The following TBC1D9B variants were observed in gnomAD, a reference collection of about 807,000 sequenced individuals.
TBC1D9B encodes the protein TBC1 domain family, member 9B (with GRAM domain).
In TBC1D9B, 87 loss-of-function variants were observed where a neutral mutation model predicts 121.1. The ratio of observed to expected loss-of-function variants is 0.72; its 90% CI spans 0.60 to 0.86. The LOEUF is 0.86. TBC1D9B is among the 40% of genes least tolerant of loss of function. TBC1D9B has a pLI of 0.00. For synonymous variants in TBC1D9B, 668 were observed against 670.1 expected (o/e 1.00, Z 0.05); for missense variants, 1,540 against 1,628.6 (o/e 0.95, Z 0.94).
At chr5:179,897,817 T>C (rs950055808) in intron 3 of TBC1D9B, among the ~76,000 whole-genome samples, 7 of 152,200 alleles carry the variant, frequency 4.6e-5, no homozygotes, top group East Asian at 1.9e-4. Context: ...TTCCTGGAGA[T>C]AGAGGTAACC....
intron 7 of TBC1D9B, chr5:179,884,570 A>T (rs1760625591): frequency 6.6e-6 from 1 of 152,238 alleles, no homozygotes; most frequent in South Asian, 2.1e-4. Context: ...ACATCTGTAC[A>T]CCCATGTTCA....
Position 179,885,370 on chromosome 5 carries a change from G to A in TBC1D9B, c.1254+2733C>T, listed in dbSNP as rs772936554. Among the ~76,000 whole-genome samples the A allele has an allele frequency of 1.1e-4, 16 of 152,078 alleles. No individual in the cohort carries two copies. The East Asian group carries it at 2.7e-3, about 26-fold the overall frequency. ...TTTGGGAGGCTGAGGCAGGTGGATC[G>A]CCTGAGGTCAGGAGTTCAAGACCAG... On this transcript the variant is annotated intron_variant, in intron 7 of 20. Transcript: ENST00000355235. This position sits in a 1 kb window ranked among gnomAD's most constrained non-coding sequence, Gnocchi z 4.5.
At chr5:179,873,954 C>T (rs750653999) in intron 12 of TBC1D9B, among the ~76,000 whole-genome samples, 13 of 152,206 alleles carry the variant, frequency 8.5e-5, no homozygotes. Context: ...AGTATCTTAA[C>T]ATCAGTGTGG....
At position 179,865,988 on chromosome 5, in the gene TBC1D9B, C is replaced by G; in HGVS notation, c.2864-100G>C. ...GATGTAGTCTGTGTTTCTGTACAGCCAGCCCCAGGCCAGGCCCTGGGGAGC... is the reference window on the plus strand; with the variant it reads ...GATGTAGTCTGTGTTTCTGTACAGCGAGCCCCAGGCCAGGCCCTGGGGAGC... On this transcript the variant is annotated intron_variant, in intron 18 of 20. Transcript: ENST00000355235. The surrounding 1 kb of genome is among the most constrained non-coding windows in gnomAD (Gnocchi z 5.1). 6.8e-7 allele frequency: 1 copy of G among 1,464,390 alleles called. No individual in the cohort carries two copies. Among genetic ancestry groups the G allele is most frequent in the Non-Finnish European group, 9.5e-7 (1 of 1,051,096 alleles). 90.7% of individuals were successfully genotyped at this position (1,464,390 alleles called of 1,614,324 possible). A position where few individuals can be genotyped will look rare whatever the true frequency, so the allele number is the denominator to read the frequency against.
chr5:179,871,474 G>A lies in TBC1D9B; in HGVS notation c.2472C>T (p.Tyr824=), dbSNP rs1760196517. Residue 824 remains tyrosine (Y), a synonymous_variant, in exon 15 of 21, where the codon TAC becomes TAT. Coordinates refer to ENST00000355235, the MANE Select transcript of TBC1D9B (RefSeq NM_015043.4). ...TCTGAGCTGTCACCTTAAACACCAT[G>A]TAAAGGTCCTCCAGCTCTTCAATGG... is the stretch of plus-strand genomic sequence containing the variant. ...GFSIEELEDL[Y]MVFKAKHLAS... is the part of the protein sequence containing the mutation. 33 of 1,613,036 alleles carry A rather than the reference G, an allele frequency of 2.0e-5. No homozygotes were observed. The highest frequency in any genetic ancestry group is 2.6e-5 in the Non-Finnish European group (31 of 1,179,610).
intron 9 of TBC1D9B, 138 bp downstream of exon 9, chr5:179,878,909 C>CAGA: frequency 8.0e-7 from 1 of 1,248,948 alleles, no homozygotes; most frequent in African/African-American, 1.5e-5. Context: ...GCCCAGAGCC[C>CAGA]GGCTCCCGGC....
At chr5:179,899,100 C>A in intron 3 of TBC1D9B, 89 bp downstream of exon 3, 2 of 1,107,444 alleles carry the variant, frequency 1.8e-6, no homozygotes, top group Non-Finnish European at 2.7e-6. Flanking sequence ...TGGGGACGCA[C>A]CCTACATCGT....
Position 179,864,078 on chromosome 5 carries a change from G to T in TBC1D9B, c.3072C>A (p.Asp1024Glu). ...CKTLYNMFSEDPMEQDLYHAI... is the reference protein window; with the variant it reads ...CKTLYNMFSEEPMEQDLYHAI... ...CGTGGTACAGGTCCTGCTCCATGGG[G>T]TCTTCACTGAACATGTTGTAAAGCG... Residue 1024 changes from aspartate (D) to glutamate (E), a missense_variant, in exon 21 of 21, where the codon GAC becomes GAA. Asp to Glu is a conservative substitution (Grantham distance 45, BLOSUM62 2). Coordinates refer to ENST00000355235, the MANE Select transcript of TBC1D9B (RefSeq NM_015043.4). 1 of 1,613,574 alleles carries T rather than the reference G, an allele frequency of 6.2e-7. No individual in the cohort carries two copies. The highest frequency in any genetic ancestry group is 8.5e-7 in the Non-Finnish European group (1 of 1,180,000).
chr5:179,888,998 G>A (rs1168085654), intron 6 of TBC1D9B, among the ~76,000 whole-genome samples: 1 of 152,086 alleles, frequency 6.6e-6, no homozygotes, highest in African/African-American at 2.4e-5. Flanking sequence ...GAGAAGCCAG[G>A]ACAGTGTGAG....
chr5:179,905,924 A>G (rs148768883), intron 1 of TBC1D9B, among the ~76,000 whole-genome samples: 2,530 of 152,256 alleles, frequency 0.017, 69 homozygotes, highest in African/African-American at 0.058. Flanking sequence ...CTGTCGCCCA[A>G]GGTGGAGTGC....
At position 179,863,459 on chromosome 5, in the gene TBC1D9B, C is replaced by T; in HGVS notation, c.3691G>A (p.Val1231Ile). The T allele has an allele frequency of 6.2e-7, 1 of 1,613,556 alleles. No individual in the cohort carries two copies. Among genetic ancestry groups the T allele is most frequent in the Non-Finnish European group, 8.5e-7 (1 of 1,179,634 alleles). Reference sequence around the variant, plus strand: ...CACAGCTGCAGGCATCAGCCGGAAACTCCAGGCTGCTCATGGTCACTGGCG... The same window carrying T: ...CACAGCTGCAGGCATCAGCCGGAAATTCCAGGCTGCTCATGGTCACTGGCG... ...STASDHEQPG[V>I]SG The change falls in exon 21 of 21, where the codon GTT becomes ATT. Residue 1231 changes from valine to isoleucine, a missense_variant. Val to Ile is a conservative substitution (Grantham distance 29). Transcript: ENST00000355235. This position sits in a 1 kb window ranked among gnomAD's most constrained non-coding sequence, Gnocchi z 4.5.
At position 179,907,599 on chromosome 5, in the gene TBC1D9B, C is replaced by A. The variant is rs1761361038; in HGVS notation, c.118+105G>T. The A allele has an allele frequency of 2.1e-5, 12 of 569,026 alleles. No individual in the cohort carries two copies. The highest frequency in any genetic ancestry group is 2.7e-5 in the Non-Finnish European group (12 of 452,124). 35.2% of individuals were successfully genotyped at this position (569,026 alleles called of 1,614,324 possible). ...GCGCTGGCGTGCGTGTCCGCCGCGA[C>A]GCGCCGAGGCCGGGCCGGAACCGGA... On this transcript the variant is annotated intron_variant, in intron 1 of 20. Coordinates refer to ENST00000355235, the MANE Select transcript of TBC1D9B (RefSeq NM_015043.4). The surrounding 1 kb of genome is among the most constrained non-coding windows in gnomAD (Gnocchi z 5.3).
chr5:179,866,209 T>A (rs941583412), intron 18 of TBC1D9B: 1 of 283,106 alleles, frequency 3.5e-6, no homozygotes, highest in African/African-American at 2.2e-5. Flanking sequence ...TAGACCAGTC[T>A]GAGGACTAAC....
intron 18 of TBC1D9B, 149 bp downstream of exon 18, chr5:179,867,629 G>C (rs746948549): frequency 1.4e-6 from 2 of 1,480,292 alleles, no homozygotes; most frequent in Non-Finnish European, 1.9e-6. Context: ...GCATGGCAGA[G>C]CCCAGCCCGT....
At chr5:179,877,228 A>T (rs566376392) in intron 10 of TBC1D9B, among the ~76,000 whole-genome samples, 90 of 152,006 alleles carry the variant, frequency 5.9e-4, no homozygotes, top group African/African-American at 1.3e-3. Context: ...CTAAAAAAAA[A>T]ATATTAGCTG....
intron 4 of TBC1D9B, 69 bp from the exon 5 acceptor site, chr5:179,893,536 T>C: frequency 6.5e-7 from 1 of 1,537,838 alleles, no homozygotes; most frequent in Non-Finnish European, 8.8e-7. Flanking sequence ...TGCCCATCTG[T>C]ACCCCAGACC....
rs1759924107 is a variant in TBC1D9B at position 179,863,852 on chromosome 5, G to A, written c.3298C>T (p.Leu1100Phe). The A allele has an allele frequency of 6.2e-7, 1 of 1,613,346 alleles. No homozygotes were observed. The highest frequency in any genetic ancestry group is 8.5e-7 in the Non-Finnish European group (1 of 1,179,702). Residue 1100 changes from leucine (L) to phenylalanine (F), a missense_variant, in exon 21 of 21, where the codon CTC (leucine) becomes TTC (phenylalanine). Leu to Phe is a conservative substitution (Grantham distance 22, BLOSUM62 0). Coordinates refer to ENST00000355235, the MANE Select transcript of TBC1D9B (RefSeq NM_015043.4). The surrounding 1 kb of genome is among the most constrained non-coding windows in gnomAD (Gnocchi z 4.5). Reference sequence around the variant, plus strand: ...TGGCTCTCCTGTGGGGCTTTTCCGAGGTGTGTGTCTCCGCCTGCTTTGGCT... The same window carrying A: ...TGGCTCTCCTGTGGGGCTTTTCCGAAGTGTGTGTCTCCGCCTGCTTTGGCT... ...PQAKAGGDTH[L>F]GKAPQESQVV...
chr5:179,879,630 C>G lies in TBC1D9B; in HGVS notation c.1414G>C (p.Gly472Arg), dbSNP rs765098338. 6.2e-7 allele frequency: 1 copy of G among 1,613,896 alleles called. No homozygotes were observed. The highest frequency in any genetic ancestry group is 2.2e-5 in the East Asian group (1 of 44,868). ...NSPMEDLGAK[G>R]AKEKMKEESW... ...GAGTGCCGGCGCTCAGGGCTCACCCCCTTGGCTCCAAGGTCCTCCATGGGC... is the reference window on the plus strand; with the variant it reads ...GAGTGCCGGCGCTCAGGGCTCACCCGCTTGGCTCCAAGGTCCTCCATGGGC... The change falls in exon 8 of 21, where the codon GGG becomes CGG. Residue 472 changes from glycine to arginine, a missense_variant and splice_region_variant. Gly to Arg is a moderately radical substitution (Grantham distance 125). Coordinates refer to ENST00000355235, the MANE Select transcript of TBC1D9B (RefSeq NM_015043.4).
Position 179,885,591 on chromosome 5 carries a change from C to T in TBC1D9B, c.1254+2512G>A, listed in dbSNP as rs1031779317. Among the ~76,000 whole-genome samples the T allele has an allele frequency of 1.6e-5, 2 of 123,072 alleles. No homozygotes were observed. Among genetic ancestry groups the T allele is most frequent in the South Asian group, 3.3e-4 (1 of 3,062 alleles). The allele number at this position is 123,072 out of a possible 152,430, so 80.7% of individuals were successfully genotyped here. A position where few individuals can be genotyped will look rare whatever the true frequency, so the allele number is the denominator to read the frequency against. ...GTGACAGAGCAAGACTCTGTCCCCC[C>T]CCCAAAAAAAAAAAGATGGAGGTAT... On this transcript the variant is annotated intron_variant, in intron 7 of 20. Coordinates refer to ENST00000355235, the MANE Select transcript of TBC1D9B (RefSeq NM_015043.4). The surrounding 1 kb of genome is among the most constrained non-coding windows in gnomAD (Gnocchi z 4.5).
Sources: allele counts gnomAD v4.1 joint callset (sites outside exome capture counted in the v4.1 genomes callset), GRCh38; gene constraint gnomAD v4.1.1; non-coding constraint Gnocchi (gnomAD v3.1); transcripts MANE v1.5; gene names NCBI Gene and HGNC (gene_info 2026-07-23, HGNC 2026-07-21).